TAF1B: variants seen among roughly 807,000 people sequenced by gnomAD.
The protein encoded by TAF1B is TATA box-binding protein-associated factor RNA polymerase I subunit B.
Under a neutral mutation model 83.9 loss-of-function variants are expected in TAF1B, and 61 were observed. The observed-to-expected ratio is 0.73, with a 90% CI of 0.59 to 0.90. The LOEUF (loss-of-function observed/expected upper bound fraction) is 0.90, where lower values mean the gene tolerates loss of function less well. Among genes scored for constraint, TAF1B ranks in the 40% least tolerant of loss-of-function variants. The pLI is 0.00. For synonymous variants in TAF1B, 221 were observed against 224.6 expected, an observed-to-expected ratio of 0.98 and a Z score of 0.14; for missense variants, 625 against 677.0, an observed-to-expected ratio of 0.92 and a Z score of 0.85.
intron 14 of TAF1B, among the ~76,000 whole-genome samples, chr2:9,921,272 G>A (rs12478489): frequency 0.23 from 34,163 of 151,768 alleles, 4,772 homozygotes; most frequent in East Asian, 0.3. Flanking sequence ...TTTATTTTTT[G>A]CAGAGACGAG....
intron 14 of TAF1B, among the ~76,000 whole-genome samples, chr2:9,932,099 G>T (rs1276975485): frequency 6.6e-6 from 1 of 152,252 alleles, no homozygotes. Flanking sequence ...GCTTCCTTGC[G>T]ATGGGTTTGA....
intron 8 of TAF1B, among the ~76,000 whole-genome samples, chr2:9,892,066 G>A (rs992273808): frequency 6.6e-6 from 1 of 152,174 alleles, no homozygotes; most frequent in East Asian, 1.9e-4. Flanking sequence ...GCAACTTTCA[G>A]TCTTGAAGGC....
At chr2:9,912,254 TC>T (rs1572277853) in intron 11 of TAF1B, among the ~76,000 whole-genome samples, 2 of 150,566 alleles carry the variant, frequency 1.3e-5, no homozygotes, top group African/African-American at 4.9e-5. Flanking sequence ...AGGGATCATA[TC>T]TTTTTTTTTT....
At chr2:9,862,965 A>G (rs1663829016) in intron 5 of TAF1B, among the ~76,000 whole-genome samples, 1 of 152,214 alleles carries the variant, frequency 6.6e-6, no homozygotes, top group Admixed American at 6.5e-5. Context: ...GGAAAGGAAC[A>G]ACCGGTACCA....
rs78861889 is a variant in TAF1B, at chr2:9,874,249, A to G, written c.554-1616A>G. ...GCTGTTCCTGCAGTTCACTCCTGCT[A>G]ATATACTTGGTATTCTTCCCAACAT... On this transcript the variant is annotated intron_variant, in intron 6 of 14. Coordinates refer to ENST00000263663, the MANE Select transcript of TAF1B (RefSeq NM_005680.3). Among the ~76,000 whole-genome samples, 721 of 152,224 alleles carry G rather than the reference A, an allele frequency of 4.7e-3. 4 individuals are homozygous for G. Among genetic ancestry groups the G allele is most frequent in the African/African-American group, 0.016 (682 of 41,506 alleles).
intron 5 of TAF1B, among the ~76,000 whole-genome samples, chr2:9,867,413 C>T (rs1664021236): frequency 6.6e-6 from 1 of 152,234 alleles, no homozygotes; most frequent in Admixed American, 6.5e-5. Flanking sequence ...TCTCACAGGG[C>T]TTCCCTATAG....
At chr2:9,882,567 T>C in intron 7 of TAF1B, 139 bp from the exon 8 acceptor site, 2 of 507,800 alleles carry the variant, frequency 3.9e-6, no homozygotes, top group South Asian at 4.0e-5. Flanking sequence ...TTAGATTTAT[T>C]ATCCTTAAAA....
chr2:9,852,037 G>T (rs769606930), intron 4 of TAF1B: 2 of 472,560 alleles, frequency 4.2e-6, no homozygotes, highest in South Asian at 3.1e-5. Flanking sequence ...CGTCCATCAG[G>T]ACTTGAGTTC....
At chr2:9,884,034 A>G (rs1047692580) in intron 8 of TAF1B, among the ~76,000 whole-genome samples, 2 of 152,206 alleles carry the variant, frequency 1.3e-5, no homozygotes, top group African/African-American at 4.8e-5. Context: ...CATGCCTGCC[A>G]AGGGCAAGTC....
intron 14 of TAF1B, among the ~76,000 whole-genome samples, chr2:9,922,998 C>CT (rs1422371584): frequency 6.6e-6 from 1 of 152,142 alleles, no homozygotes; most frequent in East Asian, 1.9e-4. Context: ...AATCCTAGCA[C>CT]TTAGGGAGGC....
intron 14 of TAF1B, among the ~76,000 whole-genome samples, chr2:9,924,876 G>T (rs891153753): frequency 6.6e-6 from 1 of 152,180 alleles, no homozygotes; most frequent in African/African-American, 2.4e-5. Context: ...ATGGGAGGCT[G>T]TTTATTCTTC....
At chr2:9,900,665 A>G (rs905767866) in intron 8 of TAF1B, among the ~76,000 whole-genome samples, 1 of 152,180 alleles carries the variant, frequency 6.6e-6, no homozygotes, top group Non-Finnish European at 1.5e-5. Context: ...AGTGATGAGA[A>G]AGACTATCAC....
intron 9 of TAF1B, among the ~76,000 whole-genome samples, chr2:9,910,225 AGGTTTTCT>A (rs1411840267): frequency 6.6e-5 from 10 of 152,340 alleles, no homozygotes; most frequent in African/African-American, 2.2e-4. Flanking sequence ...TATAGGTCCT[AGGTTTTCT>A]GGTTCCAAGT....
chr2:9,843,507 C>CGGGTCCCGGCTGTGGA lies in TAF1B; in HGVS notation c.-34_-19dup. On this transcript the variant is annotated 5_prime_UTR_variant, in exon 1 of 15. Coordinates refer to ENST00000263663, the MANE Select transcript of TAF1B (RefSeq NM_005680.3). ...GAAGCTGCGCTCGCTACCCGGGTAA[C>CGGGTCCCGGCTGTGGA]GGGTCCCGGCTGTGGAAGCTCCCGC... 2 of 1,519,928 alleles carry CGGGTCCCGGCTGTGGA rather than the reference C, an allele frequency of 1.3e-6. No individual in the cohort carries two copies. The highest frequency in any genetic ancestry group is 1.8e-6 in the Non-Finnish European group (2 of 1,129,508). The allele number at this position is 1,519,928 out of a possible 1,614,324, so 94.2% of individuals were successfully genotyped here. A position where few individuals can be genotyped will look rare whatever the true frequency, so the allele number is the denominator to read the frequency against.
chr2:9,919,959 A>C, intron 14 of TAF1B, 139 bp downstream of exon 14: 1 of 777,588 alleles, frequency 1.3e-6, no homozygotes, highest in Non-Finnish European at 2.0e-6. Flanking sequence ...CTTGTGTAGG[A>C]GTTCTAGGAA....
At chr2:9,869,191 G>A (rs1450310169) in intron 6 of TAF1B, among the ~76,000 whole-genome samples, 1 of 152,012 alleles carries the variant, frequency 6.6e-6, no homozygotes. Context: ...GTTTACCTAT[G>A]TGTAACAGTT....
At chr2:9,882,216 T>G (rs1254030540) in intron 7 of TAF1B, among the ~76,000 whole-genome samples, 3 of 152,280 alleles carry the variant, frequency 2.0e-5, no homozygotes, top group Admixed American at 6.5e-5. Context: ...TTCTTCTGCC[T>G]TAGCCTCCCG....
intron 8 of TAF1B, among the ~76,000 whole-genome samples, chr2:9,903,065 T>A (rs1665229999): frequency 1.3e-5 from 2 of 152,164 alleles, no homozygotes; most frequent in Non-Finnish European, 2.9e-5. Context: ...TTGCATAGAA[T>A]AGGCTCTAAA....
In TAF1B at chr2:9,934,146, G is replaced by GT. The variant is rs2125189438; in HGVS notation, c.*163dup. On this transcript the variant is annotated 3_prime_UTR_variant, in exon 15 of 15. Coordinates refer to ENST00000263663, the MANE Select transcript of TAF1B (RefSeq NM_005680.3). ...AAGTGTGCTTAGAAAAATGTATATTGTAAAGCAGGTGAGCTTCATTTGATT... is the reference window on the plus strand; with the variant it reads ...AAGTGTGCTTAGAAAAATGTATATTGTTAAAGCAGGTGAGCTTCATTTGATT... The GT allele has an allele frequency of 1.7e-6, 1 of 585,000 alleles. No individual in the cohort carries two copies. The highest frequency in any genetic ancestry group is 1.9e-5 in the African/African-American group (1 of 53,892). 36.2% of individuals were successfully genotyped at this position (585,000 alleles called of 1,614,324 possible). A position where few individuals can be genotyped will look rare whatever the true frequency, so the allele number is the denominator to read the frequency against.
Sources: gnomAD v4.1 joint callset for allele counts (sites outside exome capture counted in the v4.1 genomes callset) on GRCh38, gnomAD v4.1.1 for gene constraint, MANE v1.5 for transcripts, NCBI Gene and HGNC (gene_info 2026-07-23, HGNC 2026-07-21) for gene names.